The following ZFHX3 variants were observed in gnomAD, a reference collection of about 807,000 sequenced individuals.
ZFHX3 encodes the protein zinc finger homeobox protein 3.
Under a neutral mutation model 279.1 loss-of-function variants are expected in ZFHX3, and 42 were observed. The observed-to-expected ratio is 0.15, with a 90% CI of 0.12 to 0.19. ZFHX3 has a LOEUF of 0.19. Ranked by LOEUF, ZFHX3 falls within the 10% of genes least tolerant of loss-of-function variation. The pLI is 1.00. For synonymous variants in ZFHX3, 2,293 were observed against 1,957.8 expected (o/e 1.17, Z -4.52); for missense variants, 4,981 against 4,754.0 (o/e 1.05, Z -1.40).
rs574168021 is a variant in ZFHX3 at position 73,033,336 on chromosome 16, GCCTCCGAGGGTTCGT to G, written c.-50+14401_-50+14415del. 2.9e-3 allele frequency among the ~76,000 whole-genome samples: 434 copies of G among 152,228 alleles called. 3 individuals carry two copies. Among genetic ancestry groups the G allele is most frequent in the African/African-American group, 0.01 (422 of 41,532 alleles). ...GAGAAACTTCCCCTCCCTTCCAGGCGCCTCCGAGGGTTCGTCCTCAACTACTATTGTTATTCAAGA... is the reference window on the plus strand; with the variant it reads ...GAGAAACTTCCCCTCCCTTCCAGGCGCCTCAACTACTATTGTTATTCAAGA... On this transcript the variant is annotated intron_variant, in intron 1 of 9. Transcript: ENST00000268489.
intron 4 of ZFHX3, among the ~76,000 whole-genome samples, chr16:72,853,229 T>C (rs1244331778): frequency 6.6e-6 from 1 of 152,266 alleles, no homozygotes; most frequent in African/African-American, 2.4e-5. Flanking sequence ...AAAGACTGTC[T>C]GATCCAGGCT....
In ZFHX3 at chr16:73,112,166, C is replaced by G. The variant is rs891003170; in HGVS notation, c.-896-18568G>C. 1.7e-4 allele frequency among the ~76,000 whole-genome samples: 26 copies of G among 151,868 alleles called. 1 individual carries two copies. ...TCCATTTCTCTCTGCTCCTGTCTGC[C>G]CATGGCACCTGATCTCAAGAGGGAT... On this transcript the variant is annotated intron_variant, in intron 7 of 17. Transcript: ENST00000641206.
intron 3 of ZFHX3, among the ~76,000 whole-genome samples, chr16:73,403,435 G>T (rs543407606): frequency 1.3e-5 from 2 of 152,330 alleles, no homozygotes; most frequent in East Asian, 3.9e-4. Flanking sequence ...CATCTGCACG[G>T]GTGTGTGAAG....
chr16:72,996,107 A>AACACACAC (rs10550323), intron 1 of ZFHX3, among the ~76,000 whole-genome samples: 3 of 146,984 alleles, frequency 2.0e-5, no homozygotes, highest in African/African-American at 7.6e-5. Context: ...GTCTCTACTA[A>AACACACAC]ACACACACAC....
intron 3 of ZFHX3, among the ~76,000 whole-genome samples, chr16:73,349,703 C>T (rs28641693): frequency 2.0e-5 from 1 of 50,198 alleles, no homozygotes; most frequent in African/African-American, 1.1e-4. Context: ...TTCCTTCCCT[C>T]CCTCCCTCCC....
At chr16:72,853,273 G>A (rs13334169) in intron 4 of ZFHX3, among the ~76,000 whole-genome samples, 11,141 of 152,300 alleles carry the variant, frequency 0.073, 1,071 homozygotes, top group African/African-American at 0.2. Context: ...TTATGATCAA[G>A]GTTCTTCTAC....
intron 3 of ZFHX3, among the ~76,000 whole-genome samples, chr16:73,320,333 C>T (rs2015551152): frequency 6.6e-6 from 1 of 152,188 alleles, no homozygotes; most frequent in African/African-American, 2.4e-5. Context: ...AAACTCAACC[C>T]ATGAGCTGTG....
intron 2 of ZFHX3, among the ~76,000 whole-genome samples, chr16:73,489,722 A>G (rs928944019): frequency 6.6e-6 from 1 of 152,136 alleles, no homozygotes; most frequent in African/African-American, 2.4e-5. Context: ...AATTATGTAG[A>G]AAAAAATCAG....
chr16:73,167,033 T>C (rs1361307374), intron 5 of ZFHX3, among the ~76,000 whole-genome samples: 1 of 152,252 alleles, frequency 6.6e-6, no homozygotes, highest in Non-Finnish European at 1.5e-5. Context: ...CACAGTCCCT[T>C]GCCCATTGGA....
chr16:73,325,928 AACACAC>A (rs140609871), intron 3 of ZFHX3, among the ~76,000 whole-genome samples: 7 of 145,572 alleles, frequency 4.8e-5, no homozygotes, highest in East Asian at 2.0e-4. Flanking sequence ...CACACACACA[AACACAC>A]ACACACACAC....
At chr16:73,530,941 C>T (rs2019789513) in intron 2 of ZFHX3, among the ~76,000 whole-genome samples, 1 of 152,186 alleles carries the variant, frequency 6.6e-6, no homozygotes, top group Non-Finnish European at 1.5e-5. Flanking sequence ...GACAGTTCTG[C>T]ACTGGAGAAA....
intron 2 of ZFHX3, among the ~76,000 whole-genome samples, chr16:73,651,885 G>A (rs1008400201): frequency 2.0e-5 from 3 of 150,738 alleles, no homozygotes; most frequent in South Asian, 2.1e-4. Context: ...CAAATTGACT[G>A]GACATCTGAC....
chr16:73,132,224 A>T (rs1966698591), intron 6 of ZFHX3, among the ~76,000 whole-genome samples: 5 of 152,208 alleles, frequency 3.3e-5, no homozygotes, highest in Admixed American at 3.3e-4. Context: ...GAATGAAGCT[A>T]CAGTGAGCTT....
chr16:73,434,877 GGCTATTTACACGGGGCATT>G (rs2017970809), intron 3 of ZFHX3, among the ~76,000 whole-genome samples: 1 of 152,198 alleles, frequency 6.6e-6, no homozygotes, highest in African/African-American at 2.4e-5. Flanking sequence ...TGGCCGGCAT[GGCTATTTACACGGGGCATT>G]GCAAGTAAGA....
intron 1 of ZFHX3, among the ~76,000 whole-genome samples, chr16:73,699,197 A>C (rs2053225224): frequency 6.6e-6 from 1 of 152,168 alleles, no homozygotes; most frequent in African/African-American, 2.4e-5. Context: ...TCAATTTCTT[A>C]GTTTTGGCAA....
At position 72,787,986 on chromosome 16, in the gene ZFHX3, C is replaced by T; in HGVS notation, c.10290G>A (p.Glu3430=). The change falls in exon 10 of 10, where the codon GAG becomes GAA. Residue 3430 remains glutamate (E), a synonymous_variant. Coordinates refer to ENST00000268489, the MANE Select transcript of ZFHX3 (RefSeq NM_006885.4). ...KPEEQKNTPR[E]VSPLLPKLPE... is the part of the protein sequence containing the mutation. ...GGAGTTTCGGCAGGAGGGGGGACACCTCACGGGGGGTGTTTTTCTGTTCTT... is the reference window on the plus strand; with the variant it reads ...GGAGTTTCGGCAGGAGGGGGGACACTTCACGGGGGGTGTTTTTCTGTTCTT... 1 of 1,613,254 alleles carries T rather than the reference C, an allele frequency of 6.2e-7. No individual in the cohort carries two copies. The highest frequency in any genetic ancestry group is 8.5e-7 in the Non-Finnish European group (1 of 1,179,894).
chr16:73,481,650 T>G (rs972885725), intron 2 of ZFHX3, among the ~76,000 whole-genome samples: 8 of 90,466 alleles, frequency 8.8e-5, no homozygotes, highest in Non-Finnish European at 1.4e-4. Flanking sequence ...TTGTTTGTTT[T>G]TGTTTGTTTG....
At chr16:72,984,323 A>G (rs535164657) in intron 1 of ZFHX3, among the ~76,000 whole-genome samples, 1 of 152,272 alleles carries the variant, frequency 6.6e-6, no homozygotes, top group Admixed American at 6.5e-5. Context: ...TGTGTTCACA[A>G]ACTTGAAAAA....
intron 4 of ZFHX3, among the ~76,000 whole-genome samples, chr16:72,849,516 C>G (rs991500610): frequency 6.6e-6 from 1 of 152,154 alleles, no homozygotes; most frequent in African/African-American, 2.4e-5. Context: ...CCATGCCCTG[C>G]CCACTTTCCA....
Sources: gnomAD v4.1 joint callset for allele counts (sites outside exome capture counted in the v4.1 genomes callset) on GRCh38, gnomAD v4.1.1 for gene constraint, MANE v1.5 for transcripts, NCBI Gene and HGNC (gene_info 2026-07-23, HGNC 2026-07-21) for gene names.